CD44: variants seen among roughly 807,000 people sequenced by gnomAD.
CD44 encodes the protein CD44 molecule (IN blood group).
A neutral mutation model predicts 88.8 loss-of-function variants in CD44; 49 were observed. The ratio of observed to expected loss-of-function variants is 0.55; its 90% CI spans 0.44 to 0.70. The LOEUF is 0.70. CD44 is among the 30% of genes least tolerant of loss of function. CD44 has a pLI of 0.00. For synonymous variants in CD44, 325 were observed against 312.3 expected (o/e 1.04, Z -0.43); for missense variants, 883 against 913.8 (o/e 0.97, Z 0.43).
At chr11:35,157,934 G>A (rs558232843) in intron 1 of CD44, among the ~76,000 whole-genome samples, 11 of 152,248 alleles carry the variant, frequency 7.2e-5, no homozygotes, top group Non-Finnish European at 1.5e-4. Flanking sequence ...ACGTGTTTAG[G>A]GCAGCTCTCT....
chr11:35,180,945 G>A (rs1318436533), intron 3 of CD44, among the ~76,000 whole-genome samples: 4 of 152,172 alleles, frequency 2.6e-5, no homozygotes, highest in African/African-American at 9.7e-5. Flanking sequence ...TGAGAAGGTG[G>A]TCAGGGAAAG....
Position 35,211,266 on chromosome 11 carries a change from G to A in CD44, c.1627G>A (p.Gly543Arg). ...TSSNRNDVTG[G>R]RRDPNHSEGS... ...CACAGATAGGAATGATGTCACAGGT[G>A]GAAGAAGAGACCCAAATCATTCTGA... The change falls in exon 14 of 18, where the codon GGA (glycine) becomes AGA (arginine). Residue 543 changes from glycine to arginine, a missense_variant. Transcript: ENST00000428726. 6.2e-7 allele frequency: 1 copy of A among 1,613,616 alleles called. No individual in the cohort carries two copies. Among genetic ancestry groups the A allele is most frequent in the Non-Finnish European group, 8.5e-7 (1 of 1,179,612 alleles).
intron 5 of CD44, 36 bp downstream of exon 5, chr11:35,190,101 A>G (rs776089554): frequency 6.4e-7 from 1 of 1,550,478 alleles, no homozygotes; most frequent in Non-Finnish European, 8.9e-7. Context: ...CCCAATAGCA[A>G]TTCCCTGGCA....
At chr11:35,184,557 G>A (rs138218617) in intron 3 of CD44, among the ~76,000 whole-genome samples, 2 of 152,070 alleles carry the variant, frequency 1.3e-5, no homozygotes, top group African/African-American at 4.8e-5. Context: ...AATCTCCCAG[G>A]TTGGCTATAT....
Position 35,201,071 on chromosome 11 carries a change from C to T in CD44, c.923-11C>T, listed in dbSNP as rs766954190. 6 of 1,585,936 alleles carry T rather than the reference C, an allele frequency of 3.8e-6. No individual in the cohort carries two copies. Among genetic ancestry groups the T allele is most frequent in the Middle Eastern group, 1.7e-4 (1 of 6,022 alleles). On this transcript the variant is annotated splice_polypyrimidine_tract_variant and intron_variant, in intron 7 of 17. Coordinates refer to ENST00000428726, the MANE Select transcript of CD44 (RefSeq NM_000610.4). ...ACATTTTTCTAATTGCTTCAATCATCGTTATCACAGTTTCAACCACACCAC... is the reference window on the plus strand; with the variant it reads ...ACATTTTTCTAATTGCTTCAATCATTGTTATCACAGTTTCAACCACACCAC...
intron 9 of CD44, 67 bp downstream of exon 9, chr11:35,201,854 AGATT>A: frequency 1.3e-6 from 2 of 1,538,482 alleles, no homozygotes; most frequent in Non-Finnish European, 1.8e-6. Flanking sequence ...GCAATAGGGA[AGATT>A]TTGTTTAGAA....
intron 1 of CD44, among the ~76,000 whole-genome samples, chr11:35,152,775 T>A (rs933586099): frequency 6.6e-5 from 10 of 152,192 alleles, no homozygotes; most frequent in Non-Finnish European, 1.2e-4. Context: ...TTCTTGGTTG[T>A]GCCACTTCCT....
intron 14 of CD44, among the ~76,000 whole-genome samples, chr11:35,212,286 C>A (rs1197835840): frequency 6.6e-6 from 1 of 152,044 alleles, no homozygotes; most frequent in Non-Finnish European, 1.5e-5. Flanking sequence ...CTTTGTAACA[C>A]AATCACTAGG....
chr11:35,182,681 G>C (rs1348635719), intron 3 of CD44, among the ~76,000 whole-genome samples: 1 of 152,232 alleles, frequency 6.6e-6, no homozygotes, highest in African/African-American at 2.4e-5. Context: ...CAACAGGTCA[G>C]AGGGAGACAT....
intron 3 of CD44, among the ~76,000 whole-genome samples, chr11:35,186,572 TA>T (rs1220629202): frequency 6.6e-6 from 1 of 152,196 alleles, no homozygotes; most frequent in Non-Finnish European, 1.5e-5. Context: ...ATATAGAATG[TA>T]TATTTATTAA....
At position 35,209,865 on chromosome 11, in the gene CD44, T is replaced by C; in HGVS notation, c.1517-100T>C. On this transcript the variant is annotated intron_variant, in intron 12 of 17. Coordinates refer to ENST00000428726, the MANE Select transcript of CD44 (RefSeq NM_000610.4). ...AAACCTTGGTCTTCCTATGCACCTATCCATCTGACTCTACTCTAGCTAGAT... is the reference window on the plus strand; with the variant it reads ...AAACCTTGGTCTTCCTATGCACCTACCCATCTGACTCTACTCTAGCTAGAT... 10 of 711,082 alleles carry C rather than the reference T, an allele frequency of 1.4e-5. No individual in the cohort carries two copies. In the Middle Eastern group the frequency reaches 2.4e-3, roughly 168 times the overall value. The allele number at this position is 711,082 out of a possible 1,614,324, so 44.0% of individuals were successfully genotyped here. A position where few individuals can be genotyped will look rare whatever the true frequency, so the allele number is the denominator to read the frequency against.
Position 35,229,299 on chromosome 11 carries a change from A to G in CD44, c.2195A>G (p.Asn732Ser), listed in dbSNP as rs757573491. 2 of 1,613,684 alleles carry G rather than the reference A, an allele frequency of 1.2e-6. No homozygotes were observed. Among genetic ancestry groups the G allele is most frequent in the African/African-American group, 1.3e-5 (1 of 75,046 alleles). ...TTTATGACAGCTGATGAGACAAGGA[A>G]CCTGCAGAATGTGGACATGAAGATT... ...DQFMTADETR[N>S]LQNVDMKIGV Residue 732 changes from asparagine to serine, a missense_variant, in exon 18 of 18, where the codon AAC becomes AGC. Transcript: ENST00000428726.
rs867610227 is a variant in CD44, at chr11:35,220,379, C to A, written c.1945+992C>A. Among the ~76,000 whole-genome samples the A allele has an allele frequency of 2.0e-5, 3 of 152,176 alleles. No individual in the cohort carries two copies. In the South Asian group the frequency reaches 6.2e-4, roughly 31 times the overall value. On this transcript the variant is annotated intron_variant, in intron 16 of 17. Transcript: ENST00000428726. Reference sequence around the variant, plus strand: ...ATCGGGCCCTCCTGTCAGTCTCCCCCACTTCTGACTCTACCTCCCTCTCCA... The same window carrying A: ...ATCGGGCCCTCCTGTCAGTCTCCCCAACTTCTGACTCTACCTCCCTCTCCA...
chr11:35,159,259 T>A (rs1428682261), intron 1 of CD44, among the ~76,000 whole-genome samples: 1 of 152,218 alleles, frequency 6.6e-6, no homozygotes, highest in Middle Eastern at 3.2e-3. Flanking sequence ...TAATTGCCTT[T>A]AGCTGCTTAG....
At chr11:35,181,603 G>A (rs1944993445) in intron 3 of CD44, among the ~76,000 whole-genome samples, 1 of 147,654 alleles carries the variant, frequency 6.8e-6, no homozygotes, top group Non-Finnish European at 1.5e-5. Flanking sequence ...TGAAGGGGAT[G>A]TTAAATTAGC....
intron 1 of CD44, among the ~76,000 whole-genome samples, chr11:35,171,236 G>T (rs555454019): frequency 6.6e-6 from 1 of 152,198 alleles, no homozygotes; most frequent in Non-Finnish European, 1.5e-5. Context: ...CCTTGAAAAT[G>T]TTGGCTCCTT....
At position 35,229,261 on chromosome 11, in the gene CD44, A is replaced by G. The variant is rs1273220644; in HGVS notation, c.2157A>G (p.Glu719=). 6.2e-7 allele frequency: 1 copy of G among 1,614,086 alleles called. No individual in the cohort carries two copies. Among genetic ancestry groups the G allele is most frequent in the Non-Finnish European group, 8.5e-7 (1 of 1,179,956 alleles). Residue 719 remains glutamate (E), a synonymous_variant, in exon 18 of 18, where the codon GAA becomes GAG. Coordinates refer to ENST00000428726, the MANE Select transcript of CD44 (RefSeq NM_000610.4). ...MVHLVNKESS[E]TPDQFMTADE... is the part of the protein sequence containing the mutation. ...ATTTGGTGAACAAGGAGTCGTCAGA[A>G]ACTCCAGACCAGTTTATGACAGCTG...
intron 11 of CD44, 90 bp from the exon 12 acceptor site, chr11:35,208,015 A>AG: frequency 2.6e-6 from 2 of 760,462 alleles, no homozygotes; most frequent in Non-Finnish European, 4.8e-6. Flanking sequence ...GCCAGATGTG[A>AG]ATATTTAAAA....
At chr11:35,157,441 C>A (rs1399717107) in intron 1 of CD44, among the ~76,000 whole-genome samples, 1 of 151,996 alleles carries the variant, frequency 6.6e-6, no homozygotes, top group Non-Finnish European at 1.5e-5. Context: ...TTATCTCTAT[C>A]TTTATCTATT....
Sources: allele counts gnomAD v4.1 joint callset (sites outside exome capture counted in the v4.1 genomes callset), GRCh38; gene constraint gnomAD v4.1.1; transcripts MANE v1.5; gene names NCBI Gene and HGNC (gene_info 2026-07-23, HGNC 2026-07-21).